Variants in ITGB6 observed in about 807,000 individuals in gnomAD.
The protein encoded by ITGB6 is integrin beta-6.
Under a neutral mutation model 84.5 loss-of-function variants are expected in ITGB6, and 80 were observed. The ratio of observed to expected loss-of-function variants is 0.95; its 90% confidence interval spans 0.79 to 1.14. The LOEUF is 1.14. Among genes scored for constraint, ITGB6 ranks in the 50% most tolerant of loss-of-function variants. The pLI, the probability that ITGB6 is intolerant of heterozygous loss-of-function variation, is 0.00. For missense variants in ITGB6, 1,006 were observed against 968.0 expected, an observed-to-expected ratio of 1.04 and a Z score of -0.52; for synonymous variants, 383 against 354.9, an observed-to-expected ratio of 1.08 and a Z score of -0.89.
Position 160,107,804 on chromosome 2 carries a change from C to A in ITGB6, c.2143G>T (p.Val715Phe). ...CCGATGAGAAGAATAGCCAGGGAAA[C>A]CCCTAACATGATCATGGGAATGTTT... ...PPNIPMIMLG[V>F]SLAILLIGVV... The change falls in exon 14 of 15, where the codon GTT becomes TTT. Residue 715 changes from valine (V) to phenylalanine (F), a missense_variant. Transcript: ENST00000283249. 1.9e-6 allele frequency: 3 copies of A among 1,613,490 alleles called. No individual in the cohort carries two copies. Among genetic ancestry groups the A allele is most frequent in the East Asian group, 2.2e-5 (1 of 44,880 alleles).
At chr2:160,167,387 A>T (rs1314076034) in intron 7 of ITGB6, among the ~76,000 whole-genome samples, 2 of 152,212 alleles carry the variant, frequency 1.3e-5, no homozygotes, top group Non-Finnish European at 2.9e-5. Context: ...AGATGGAATG[A>T]TGAGCCCATC....
intron 11 of ITGB6, among the ~76,000 whole-genome samples, chr2:160,124,503 T>C (rs1280475803): frequency 6.6e-6 from 1 of 152,228 alleles, no homozygotes; most frequent in Non-Finnish European, 1.5e-5. Flanking sequence ...TATAGAAAAG[T>C]ACATTTCCAA....
intron 4 of ITGB6, chr2:160,179,124 A>C (rs1319088225): frequency 6.6e-6 from 1 of 152,140 alleles, no homozygotes; most frequent in African/African-American, 2.4e-5. Flanking sequence ...ATAATGATAA[A>C]ACACAATATA....
chr2:160,172,620 G>T lies in ITGB6; in HGVS notation c.870C>A (p.Asp290Glu), dbSNP rs769665409. Residue 290 changes from aspartate (D) to glutamate (E), a missense_variant, in exon 6 of 15, where the codon GAC becomes GAA. Transcript: ENST00000283249. ...SKLAGIVIPN[D>E]GLCHLDSKNE... is the part of the protein sequence containing the mutation. ...TCTTGCTGTCCAAGTGACAGAGCCC[G>T]TCATTAGGAATGACGATGCCTGCTA... 5 of 1,611,532 alleles carry T rather than the reference G, an allele frequency of 3.1e-6. No individual in the cohort carries two copies. The highest frequency in any genetic ancestry group is 4.2e-6 in the Non-Finnish European group (5 of 1,178,042).
intron 7 of ITGB6, among the ~76,000 whole-genome samples, chr2:160,161,627 A>G (rs1684819190): frequency 6.6e-6 from 1 of 152,156 alleles, no homozygotes; most frequent in South Asian, 2.1e-4. Flanking sequence ...AATGTTAGCT[A>G]TGTCTGAGTG....
intron 14 of ITGB6, among the ~76,000 whole-genome samples, chr2:160,105,089 G>A (rs1180300810): frequency 1.3e-5 from 2 of 152,152 alleles, no homozygotes; most frequent in Non-Finnish European, 2.9e-5. Context: ...TTTTCCAGTA[G>A]GATGTTAGTG....
At chr2:160,189,538 G>A (rs1298603400) in intron 4 of ITGB6, among the ~76,000 whole-genome samples, 2 of 152,164 alleles carry the variant, frequency 1.3e-5, no homozygotes, top group Non-Finnish European at 2.9e-5. Context: ...CAAAAAGTGG[G>A]CGAAGGATAT....
intron 10 of ITGB6, among the ~76,000 whole-genome samples, chr2:160,129,424 G>C (rs1460858550): frequency 1.4e-5 from 2 of 147,276 alleles, no homozygotes; most frequent in Non-Finnish European, 3.0e-5. Context: ...ATGTGCATTA[G>C]GCATTTTGCC....
At chr2:160,135,483 G>T (rs1324487151) in intron 10 of ITGB6, among the ~76,000 whole-genome samples, 1 of 151,532 alleles carries the variant, frequency 6.6e-6, no homozygotes, top group Non-Finnish European at 1.5e-5. Flanking sequence ...ACTGCCCAAG[G>T]TAATTTATAG....
intron 6 of ITGB6, among the ~76,000 whole-genome samples, chr2:160,172,023 G>A (rs1685224586): frequency 6.6e-6 from 1 of 152,248 alleles, no homozygotes; most frequent in Admixed American, 6.5e-5. Flanking sequence ...AGGAGATCAT[G>A]CATGTCCAAA....
intron 2 of ITGB6, 127 bp from the exon 3 acceptor site, chr2:160,196,547 T>C: frequency 1.4e-6 from 1 of 710,688 alleles, no homozygotes; most frequent in Non-Finnish European, 2.3e-6. Context: ...ATTGTATCCC[T>C]ACATGACTAA....
In ITGB6 at chr2:160,200,094, A is replaced by C; in HGVS notation, c.-31T>G. On this transcript the variant is annotated 5_prime_UTR_variant, in exon 1 of 15. Coordinates refer to ENST00000283249, the MANE Select transcript of ITGB6 (RefSeq NM_000888.5). Reference sequence around the variant, plus strand: ...TCAGTTCTTGCTGTGCAGACCGATTAAAAAATGAATTACCTTCAGCGTTAC... The same window carrying C: ...TCAGTTCTTGCTGTGCAGACCGATTCAAAAATGAATTACCTTCAGCGTTAC... 1 of 1,595,010 alleles carries C rather than the reference A, an allele frequency of 6.3e-7. No individual in the cohort carries two copies. Among genetic ancestry groups the C allele is most frequent in the Middle Eastern group, 1.7e-4 (1 of 6,012 alleles).
chr2:160,125,867 A>T (rs1683217334), intron 11 of ITGB6, among the ~76,000 whole-genome samples: 3 of 152,216 alleles, frequency 2.0e-5, no homozygotes. Context: ...GCCAAAGAGC[A>T]TGGGTGGTAA....
chr2:160,183,991 G>C (rs1365910891), intron 4 of ITGB6, among the ~76,000 whole-genome samples: 1 of 152,180 alleles, frequency 6.6e-6, no homozygotes, highest in Admixed American at 6.5e-5. Flanking sequence ...TGTTTAGAGA[G>C]AAATTTATAG....
intron 9 of ITGB6, 26 bp from the exon 10 acceptor site, chr2:160,137,877 C>T: frequency 1.2e-6 from 2 of 1,603,102 alleles, no homozygotes; most frequent in Non-Finnish European, 1.7e-6. Context: ...CTAATTATCT[C>T]CCTCCATCCA....
intron 6 of ITGB6, among the ~76,000 whole-genome samples, chr2:160,169,869 G>A (rs1024278476): frequency 3.3e-5 from 5 of 152,156 alleles, no homozygotes; most frequent in African/African-American, 4.8e-5. Context: ...GCATGGAATC[G>A]TGCAATATTT....
chr2:160,106,868 A>G (rs753968691), intron 14 of ITGB6, among the ~76,000 whole-genome samples: 21 of 152,166 alleles, frequency 1.4e-4, no homozygotes, highest in Non-Finnish European at 2.1e-4. Flanking sequence ...GTCTACCTGT[A>G]TTTTCTCCAG....
chr2:160,181,015 T>C (rs1685644776), intron 4 of ITGB6, among the ~76,000 whole-genome samples: 1 of 152,076 alleles, frequency 6.6e-6, no homozygotes, highest in South Asian at 2.1e-4. Context: ...TTCCCTCGGG[T>C]GCCTATATCA....
At chr2:160,102,699 C>T (rs1696765844) in intron 14 of ITGB6, among the ~76,000 whole-genome samples, 1 of 152,264 alleles carries the variant, frequency 6.6e-6, no homozygotes. Context: ...CCAGAAGGAT[C>T]AAGCCTCTCT....
Sources: allele counts gnomAD v4.1 joint callset (sites outside exome capture counted in the v4.1 genomes callset), GRCh38; gene constraint gnomAD v4.1.1; transcripts MANE v1.5; gene names NCBI Gene and HGNC (gene_info 2026-07-23, HGNC 2026-07-21).